The following LRRC37A2 variants were observed in gnomAD, a reference collection of about 807,000 sequenced individuals.
The protein encoded by LRRC37A2 is leucine-rich repeat-containing protein 37A2.
In LRRC37A2, 9 loss-of-function variants were observed where a neutral mutation model predicts 68.8. The observed-to-expected ratio is 0.13, with a 90% CI of 0.08 to 0.23. The LOEUF is 0.23. Ranked by LOEUF, LRRC37A2 falls within the 10% of genes least tolerant of loss-of-function variation. The probability of loss-of-function intolerance (pLI) is 1.00; values close to 1 mark genes in which losing one functional copy is unlikely to be tolerated. For missense variants in LRRC37A2, 168 were observed against 950.4 expected, an observed-to-expected ratio of 0.18 and a Z score of 10.82; for synonymous variants, 63 against 367.6, an observed-to-expected ratio of 0.17 and a Z score of 9.48.
the LRRC37A2 span, among the ~76,000 whole-genome samples, chr17:46,882,413 T>G: frequency 6.6e-6 from 1 of 152,196 alleles, no homozygotes; most frequent in Non-Finnish European, 1.5e-5. Context: ...ATAAGCTGCT[T>G]GGGTGATGTG....
the LRRC37A2 span, among the ~76,000 whole-genome samples, chr17:46,934,721 A>G: frequency 0.43 from 65,969 of 152,048 alleles, 14,785 homozygotes; most frequent in South Asian, 0.52. Context: ...GAGACACCCA[A>G]TGAGGTCTTG....
chr17:46,832,764 C>T, the LRRC37A2 span: 1 of 153,062 alleles, frequency 6.5e-6, no homozygotes, highest in Admixed American at 6.5e-5. Flanking sequence ...TGAAACTCAC[C>T]AGTTGGGTCC....
At chr17:46,413,481 T>TAC in the LRRC37A2 span, among the ~76,000 whole-genome samples, 91 of 24,698 alleles carry the variant, frequency 3.7e-3, 1 homozygote, top group African/African-American at 6.3e-3. Context: ...TCTCTCTCTG[T>TAC]ACACACACAC....
the LRRC37A2 span, among the ~76,000 whole-genome samples, chr17:47,020,420 A>G: frequency 6.7e-6 from 1 of 150,060 alleles, no homozygotes; most frequent in Admixed American, 6.6e-5. Flanking sequence ...AGCTTTCTAT[A>G]TGTAGAACTA....
chr17:46,891,193 G>C, the LRRC37A2 span, among the ~76,000 whole-genome samples: 2 of 152,204 alleles, frequency 1.3e-5, no homozygotes, highest in African/African-American at 4.8e-5. Context: ...CCTGTGACTT[G>C]GGTATTACGT....
the LRRC37A2 span, among the ~76,000 whole-genome samples, chr17:46,894,917 T>C: frequency 6.6e-6 from 1 of 152,220 alleles, no homozygotes; most frequent in Non-Finnish European, 1.5e-5. Context: ...CAAGCCGGAA[T>C]GCACGGGGTC....
chr17:47,027,290 C>T, the LRRC37A2 span, among the ~76,000 whole-genome samples: 1 of 151,984 alleles, frequency 6.6e-6, no homozygotes, highest in East Asian at 1.9e-4. Flanking sequence ...GATGACACTA[C>T]AAAAGGGCAT....
chr17:46,919,694 C>T, the LRRC37A2 span, among the ~76,000 whole-genome samples: 13 of 152,098 alleles, frequency 8.5e-5, 1 homozygote, highest in Admixed American at 7.2e-4. Flanking sequence ...ACGCCTGTAA[C>T]CCCAGCACTT....
At chr17:46,998,510 G>A in the LRRC37A2 span, among the ~76,000 whole-genome samples, 3 of 152,208 alleles carry the variant, frequency 2.0e-5, no homozygotes, top group African/African-American at 7.2e-5. Context: ...GGGCAGAAGA[G>A]TGCTTGATGG....
chr17:46,878,751 C>T, the LRRC37A2 span, among the ~76,000 whole-genome samples: 1 of 152,204 alleles, frequency 6.6e-6, no homozygotes, highest in Non-Finnish European at 1.5e-5. Context: ...GCACCCTGAT[C>T]CACCAACATG....
the LRRC37A2 span, among the ~76,000 whole-genome samples, chr17:46,864,958 G>A: frequency 6.6e-6 from 1 of 152,282 alleles, no homozygotes; most frequent in South Asian, 2.1e-4. Context: ...AACGTATAAT[G>A]GTTTGAATGG....
the LRRC37A2 span, among the ~76,000 whole-genome samples, chr17:46,845,567 G>T: frequency 1.4e-5 from 2 of 143,734 alleles, no homozygotes; most frequent in African/African-American, 5.2e-5. Flanking sequence ...TCGGCTCACT[G>T]CAACCTCTGC....
the LRRC37A2 span, among the ~76,000 whole-genome samples, chr17:46,784,710 C>G: frequency 6.6e-5 from 10 of 152,050 alleles, no homozygotes; most frequent in African/African-American, 1.9e-4. Context: ...AGATGCACAG[C>G]CAACATACCT....
the LRRC37A2 span, chr17:46,885,217 G>A: frequency 2.3e-5 from 7 of 307,396 alleles, no homozygotes; most frequent in South Asian, 1.7e-4. Flanking sequence ...TGTTGGTCAG[G>A]CTGGTCTCGA....
chr17:46,784,996 C>T, the LRRC37A2 span, among the ~76,000 whole-genome samples: 1 of 152,136 alleles, frequency 6.6e-6, no homozygotes, highest in Non-Finnish European at 1.5e-5. Context: ...CCAGGATGGT[C>T]TCGATCTCCT....
chr17:46,832,889 G>A, the LRRC37A2 span: 1,076 of 167,262 alleles, frequency 6.4e-3, 10 homozygotes, highest in African/African-American at 0.025. Flanking sequence ...GGGGGGTGAG[G>A]TGTCTGGACT....
the LRRC37A2 span, among the ~76,000 whole-genome samples, chr17:47,013,809 C>T: frequency 6.6e-6 from 1 of 152,214 alleles, no homozygotes; most frequent in Non-Finnish European, 1.5e-5. Flanking sequence ...AAGAACTACA[C>T]AGTTTAATTC....
chr17:46,773,756 C>T, the LRRC37A2 span: 3 of 1,613,242 alleles, frequency 1.9e-6, no homozygotes, highest in East Asian at 2.2e-5. Flanking sequence ...GCTGGCACTC[C>T]TGGATGCCCA....
chr17:46,868,646 T>C, the LRRC37A2 span, among the ~76,000 whole-genome samples: 9 of 152,142 alleles, frequency 5.9e-5, no homozygotes, highest in East Asian at 1.7e-3. Flanking sequence ...AACACATTTT[T>C]CTGGGTTCAT....
Sources: gnomAD v4.1 joint callset for allele counts (sites outside exome capture counted in the v4.1 genomes callset) on GRCh38, gnomAD v4.1.1 for gene constraint, MANE v1.5 for transcripts, NCBI Gene and HGNC (gene_info 2026-07-23, HGNC 2026-07-21) for gene names.